MMP26: variants seen among roughly 807,000 people sequenced by gnomAD.
The protein encoded by MMP26 is matrix metalloproteinase-26.
A neutral mutation model predicts 31.0 loss-of-function variants in MMP26; 33 were observed. The ratio of observed to expected loss-of-function variants is 1.06; its 90% confidence interval spans 0.81 to 1.42. The LOEUF (loss-of-function observed/expected upper bound fraction) is 1.42, where lower values mean the gene tolerates loss of function less well. MMP26 is among the 40% of genes most tolerant of loss of function. The pLI is 0.00. For synonymous variants in MMP26, 122 were observed against 114.9 expected (o/e 1.06, Z -0.40); for missense variants, 347 against 316.1 (o/e 1.10, Z -0.74).
intron 2 of MMP26, chr11:4,907,342 C>T (rs372300599): frequency 6.9e-5 from 100 of 1,451,464 alleles, no homozygotes; most frequent in African/African-American, 3.1e-4. Flanking sequence ...GTTTCAGATC[C>T]GGCTAACGAG....
rs1420746195 is a variant in MMP26 at position 4,814,905 on chromosome 11, C to A, written c.-145+47564C>A. Among the ~76,000 whole-genome samples, 5 of 152,302 alleles carry A rather than the reference C, an allele frequency of 3.3e-5. No homozygotes were observed. The East Asian group carries it at 7.7e-4, about 24-fold the overall frequency. ...AAATTTATTTTGCCAAGGTTAAGAA[C>A]GCACCCGTGGCACAGCTTCAGGAGG... On this transcript the variant is annotated intron_variant, in intron 2 of 7. Coordinates refer to ENST00000380390, the MANE Select transcript of MMP26 (RefSeq NM_021801.5).
intron 2 of MMP26, chr11:4,832,785 T>C (rs920569434): frequency 5.3e-5 from 9 of 168,352 alleles, no homozygotes; most frequent in Non-Finnish European, 1.2e-4. Flanking sequence ...CTATTTCCTA[T>C]ATGTGTTCAT....
At chr11:4,821,108 G>C (rs1049444045) in intron 2 of MMP26, among the ~76,000 whole-genome samples, 1 of 152,046 alleles carries the variant, frequency 6.6e-6, no homozygotes, top group Non-Finnish European at 1.5e-5. Flanking sequence ...ATTTTACTGG[G>C]GATTTATATT....
At chr11:4,755,065 C>A (rs1319473753) in intron 1 of MMP26, among the ~76,000 whole-genome samples, 1 of 151,896 alleles carries the variant, frequency 6.6e-6, no homozygotes, top group Non-Finnish European at 1.5e-5. Flanking sequence ...CACCTTTCAT[C>A]GGTTGATCAC....
At chr11:4,889,199 C>T (rs142742430) in intron 2 of MMP26, among the ~76,000 whole-genome samples, 55 of 152,216 alleles carry the variant, frequency 3.6e-4, no homozygotes, top group African/African-American at 1.3e-3. Flanking sequence ...AAATTGCTTC[C>T]AGGACCCCAA....
At chr11:4,723,240 G>T in intron 1 of MMP26, 5 of 1,262,538 alleles carry the variant, frequency 4.0e-6, no homozygotes, top group South Asian at 2.4e-5. Flanking sequence ...GCCTGGAGCC[G>T]GCTGATGTTC....
chr11:4,906,639 T>C (rs1850893914), intron 2 of MMP26, among the ~76,000 whole-genome samples: 1 of 152,224 alleles, frequency 6.6e-6, no homozygotes, highest in Non-Finnish European at 1.5e-5. Flanking sequence ...AGACTATTTC[T>C]TTCAAACTTT....
At chr11:4,969,197 C>A (rs1173403316) in intron 2 of MMP26, among the ~76,000 whole-genome samples, 1 of 151,928 alleles carries the variant, frequency 6.6e-6, no homozygotes, top group Non-Finnish European at 1.5e-5. Flanking sequence ...TTTCTAGAGG[C>A]ATATACTTAC....
In MMP26 at chr11:4,922,079, C is replaced by T. The variant is rs1226257424; in HGVS notation, c.-144-65989C>T. ...AGGTGTAAACATTATTTAGCTTTCACTTATAAGGGAGAACATGCAGTATTT... is the reference window on the plus strand; with the variant it reads ...AGGTGTAAACATTATTTAGCTTTCATTTATAAGGGAGAACATGCAGTATTT... On this transcript the variant is annotated intron_variant, in intron 2 of 7. Transcript: ENST00000380390. Among the ~76,000 whole-genome samples the T allele has an allele frequency of 2.0e-5, 3 of 152,160 alleles. No homozygotes were observed. In the East Asian group the frequency reaches 5.8e-4, roughly 29 times the overall value.
chr11:4,827,868 T>C (rs1302435530), intron 2 of MMP26, among the ~76,000 whole-genome samples: 1 of 151,778 alleles, frequency 6.6e-6, no homozygotes, highest in Non-Finnish European at 1.5e-5. Context: ...AAGACAAACT[T>C]GTAATTTTTA....
chr11:4,944,272 G>T, intron 2 of MMP26: 1 of 214,254 alleles, frequency 4.7e-6, no homozygotes, highest in Non-Finnish European at 9.5e-6. Context: ...CTATCCTGGA[G>T]CATCAGAGAT....
rs760408907 is a variant in MMP26, at chr11:4,927,000, G to A, written c.-144-61068G>A. Among the ~76,000 whole-genome samples, 50 of 152,306 alleles carry A rather than the reference G, an allele frequency of 3.3e-4. No homozygotes were observed. In the Middle Eastern group the frequency reaches 0.01, roughly 31 times the overall value. On this transcript the variant is annotated intron_variant, in intron 2 of 7. Coordinates refer to ENST00000380390, the MANE Select transcript of MMP26 (RefSeq NM_021801.5). ...CTCAATGGCACTTACCTCCAGATTA[G>A]TGGATCAGAGAAGTATCATCTGATT...
intron 2 of MMP26, among the ~76,000 whole-genome samples, chr11:4,786,582 A>G (rs1026304301): frequency 2.1e-5 from 3 of 139,626 alleles, no homozygotes; most frequent in Non-Finnish European, 4.5e-5. Flanking sequence ...GTGCTTCAGG[A>G]GCCAAATGAC....
intron 2 of MMP26, among the ~76,000 whole-genome samples, chr11:4,927,799 C>T (rs556847537): frequency 8.5e-5 from 13 of 152,166 alleles, no homozygotes; most frequent in South Asian, 2.1e-4. Flanking sequence ...AATTCCCTGA[C>T]GAGTTCTCAT....
intron 2 of MMP26, among the ~76,000 whole-genome samples, chr11:4,886,108 T>G (rs1005150451): frequency 1.3e-5 from 2 of 152,128 alleles, no homozygotes; most frequent in Non-Finnish European, 2.9e-5. Flanking sequence ...TTCCTATTAC[T>G]TAACACTTCC....
At chr11:4,988,458 C>T in intron 3 of MMP26, 148 bp downstream of exon 3, 2 of 705,028 alleles carry the variant, frequency 2.8e-6, no homozygotes, top group Non-Finnish European at 4.9e-6. Flanking sequence ...TCTATGTGTT[C>T]ATTTTTCTCT....
intron 2 of MMP26, among the ~76,000 whole-genome samples, chr11:4,777,490 C>T (rs1386607914): frequency 1.3e-5 from 2 of 152,246 alleles, no homozygotes; most frequent in African/African-American, 2.4e-5. Context: ...AGTATACATA[C>T]ATCACAGTAT....
chr11:4,797,574 T>A (rs1238620340), intron 2 of MMP26, among the ~76,000 whole-genome samples: 1 of 152,290 alleles, frequency 6.6e-6, no homozygotes, highest in East Asian at 1.9e-4. Context: ...AGGAAACCAA[T>A]TAAAGTGGGG....
chr11:4,792,382 C>T (rs1396111682), intron 2 of MMP26, among the ~76,000 whole-genome samples: 7 of 152,132 alleles, frequency 4.6e-5, no homozygotes, highest in African/African-American at 1.7e-4. Flanking sequence ...CTCCCTCCAG[C>T]CCCTAACAAA....
Sources: allele counts gnomAD v4.1 joint callset (sites outside exome capture counted in the v4.1 genomes callset), GRCh38; gene constraint gnomAD v4.1.1; transcripts MANE v1.5; gene names NCBI Gene and HGNC (gene_info 2026-07-23, HGNC 2026-07-21).